The following TRPC5 variants were observed in gnomAD, a reference collection of about 807,000 sequenced individuals.
The protein encoded by TRPC5 is transient receptor potential cation channel subfamily C member 5, also known as short transient receptor potential channel 5.
TRPC5 carries 9 observed loss-of-function variants against 56.5 expected under a neutral mutation model. The observed-to-expected ratio is 0.16, with a 90% CI of 0.10 to 0.28. The LOEUF (loss-of-function observed/expected upper bound fraction) is 0.28, where lower values mean the gene tolerates loss of function less well. Among genes scored for constraint, TRPC5 ranks in the 10% least tolerant of loss-of-function variants. The pLI is 1.00. For synonymous variants in TRPC5, 282 were observed against 278.5 expected (o/e 1.01, Z -0.13); for missense variants, 469 against 748.9 (o/e 0.63, Z 4.36).
chrX:111,992,369 G>A (rs915300062), intron 1 of TRPC5, among the ~76,000 whole-genome samples: 2 of 111,426 alleles, frequency 1.8e-5, no homozygotes, highest in African/African-American at 6.5e-5. Context: ...CAAGAAAGCA[G>A]CTTTAAGCAT....
At chrX:112,049,432 T>TATAC (rs1930154741) in intron 1 of TRPC5, among the ~76,000 whole-genome samples, 1 of 104,220 alleles carries the variant, frequency 9.6e-6, no homozygotes, top group African/African-American at 3.5e-5. Context: ...CGCATATATA[T>TATAC]ACACACACAC....
chrX:112,026,581 C>T (rs1276640116), intron 1 of TRPC5, among the ~76,000 whole-genome samples: 1 of 111,751 alleles, frequency 8.9e-6, no homozygotes, highest in African/African-American at 3.2e-5. Flanking sequence ...GACTCTTTTT[C>T]AATAGTTTGA....
chrX:111,971,067 C>T (rs1018557832), intron 1 of TRPC5, among the ~76,000 whole-genome samples: 3 of 111,420 alleles, frequency 2.7e-5, no homozygotes, highest in African/African-American at 9.8e-5. Flanking sequence ...CGTGAGTCAC[C>T]GCGCCCGGCC....
At chrX:111,941,701 T>C (rs150073482) in intron 2 of TRPC5, among the ~76,000 whole-genome samples, 7,804 of 111,891 alleles carry the variant, frequency 0.07, 207 homozygotes, top group African/African-American at 0.083. Context: ...TATGATGGAA[T>C]GACAGTGGGG....
intron 1 of TRPC5, among the ~76,000 whole-genome samples, chrX:111,968,945 C>G (rs1465421571): frequency 9.7e-6 from 1 of 103,395 alleles, no homozygotes; most frequent in African/African-American, 3.5e-5. Context: ...CTGCACATTG[C>G]GCACATGTAC....
chrX:111,827,085 T>C (rs1452469963), intron 7 of TRPC5, among the ~76,000 whole-genome samples: 1 of 111,689 alleles, frequency 9.0e-6, no homozygotes, highest in Non-Finnish European at 1.9e-5. Context: ...ACAGTACCAC[T>C]TACTAGCATA....
At chrX:112,063,216 T>A (rs978430056) in intron 1 of TRPC5, among the ~76,000 whole-genome samples, 3 of 111,840 alleles carry the variant, frequency 2.7e-5, no homozygotes, top group African/African-American at 9.8e-5. Context: ...ACCTAGAGAT[T>A]CTAGACTGGT....
rs184748688 is a variant in TRPC5 at position 111,855,993 on chromosome X, T to C, written c.901-1887A>G. 2.7e-5 allele frequency among the ~76,000 whole-genome samples: 3 copies of C among 111,915 alleles called. No homozygotes were observed. The East Asian group carries it at 8.4e-4, about 31-fold the overall frequency. ...AAGGCTTCCTGGAGTAGGTGATACC[T>C]GACTGGAGCATTAAAAGATGTGCAA... On this transcript the variant is annotated intron_variant, in intron 3 of 10. Coordinates refer to ENST00000262839, the MANE Select transcript of TRPC5 (RefSeq NM_012471.3).
In TRPC5 at chrX:111,943,405, T is replaced by C. The variant is rs186315509; in HGVS notation, c.378+8638A>G. ...CCCCCTCCACACTGTGTAATCTCAGTCTGAGACAAAAAAACAGATAGGAGG... is the reference window on the plus strand; with the variant it reads ...CCCCCTCCACACTGTGTAATCTCAGCCTGAGACAAAAAAACAGATAGGAGG... On this transcript the variant is annotated intron_variant, in intron 2 of 10. Transcript: ENST00000262839. Among the ~76,000 whole-genome samples the C allele has an allele frequency of 2.1e-4, 24 of 112,060 alleles. No individual in the cohort carries two copies. The East Asian group carries it at 6.5e-3, about 30-fold the overall frequency.
intron 6 of TRPC5, among the ~76,000 whole-genome samples, chrX:111,840,550 A>G (rs1161861573): frequency 8.9e-6 from 1 of 112,245 alleles, no homozygotes; most frequent in Admixed American, 9.4e-5. Context: ...TGGATGCAAA[A>G]GACATAGATA....
At chrX:111,990,529 G>C (rs866633365) in intron 1 of TRPC5, among the ~76,000 whole-genome samples, 10 of 111,618 alleles carry the variant, frequency 9.0e-5, no homozygotes, top group South Asian at 7.6e-4. Flanking sequence ...ACTTCTCTGG[G>C]ATAAATAGAT....
chrX:112,079,112 G>A (rs951657009), intron 1 of TRPC5, among the ~76,000 whole-genome samples: 3 of 111,818 alleles, frequency 2.7e-5, no homozygotes, highest in Non-Finnish European at 3.8e-5. Context: ...AGAGTACTTT[G>A]GGGAGAGAGA....
Position 111,776,761 on chromosome X carries a change from C to A in TRPC5, c.2474G>T (p.Gly825Val). ...RTMPRSSGAQ[G>V]KSKAESSSKR... The stretch of plus-strand genomic sequence containing the variant: ...GCTTGATGACTCAGCTTTTGACTTT[C>A]CTTGGGCACCACTGGACCTTGGCAT... Residue 825 changes from glycine to valine, a missense_variant, in exon 11 of 11, where the codon GGA becomes GTA. By Grantham distance (109) the Gly-to-Val change is moderately radical. Transcript: ENST00000262839. 8.3e-7 allele frequency: 1 copy of A among 1,210,565 alleles called. No homozygotes were observed. The highest frequency in any genetic ancestry group is 1.1e-6 in the Non-Finnish European group (1 of 895,048).
chrX:111,831,240 A>G (rs1922398272), intron 7 of TRPC5, among the ~76,000 whole-genome samples: 3 of 112,330 alleles, frequency 2.7e-5, no homozygotes, highest in African/African-American at 9.7e-5. Flanking sequence ...CTGGTATGGA[A>G]GTGTTTCAAT....
intron 1 of TRPC5, among the ~76,000 whole-genome samples, chrX:112,047,471 C>T (rs1335267725): frequency 2.7e-5 from 3 of 111,318 alleles, no homozygotes; most frequent in African/African-American, 9.8e-5. Context: ...AGAGGGAGCA[C>T]ACTTCAACAG....
intron 1 of TRPC5, among the ~76,000 whole-genome samples, chrX:111,975,326 G>T (rs375757921): frequency 5.5e-5 from 5 of 90,426 alleles, no homozygotes; most frequent in Non-Finnish European, 9.1e-5. Context: ...TCACTAAATA[G>T]AAAAAAAAAA....
intron 7 of TRPC5, among the ~76,000 whole-genome samples, chrX:111,789,158 C>A (rs930747733): frequency 2.8e-4 from 31 of 111,939 alleles, no homozygotes; most frequent in Admixed American, 4.8e-4. Flanking sequence ...TACCTGACTT[C>A]AAACTATACT....
intron 7 of TRPC5, among the ~76,000 whole-genome samples, chrX:111,824,040 G>GC (rs369624075): frequency 0.015 from 1,622 of 110,413 alleles, 29 homozygotes; most frequent in African/African-American, 0.051. Flanking sequence ...AGATCAGCCT[G>GC]CACAACATGA....
Position 112,070,000 on chromosome X carries a change from T to C in TRPC5, c.-22+11879A>G, listed in dbSNP as rs750077683. The stretch of plus-strand genomic sequence containing the variant: ...TATGTTCCTCCTCAGAGCTTTCCAA[T>C]GTACCGTCTGTCTCTGTTACGTTGC... On this transcript the variant is annotated intron_variant, in intron 1 of 10. Transcript: ENST00000262839. Among the ~76,000 whole-genome samples the C allele has an allele frequency of 3.3e-3, 370 of 111,900 alleles. 1 individual carries two copies. The highest frequency in any genetic ancestry group is 5.2e-3 in the Non-Finnish European group (279 of 53,187).
Sources: gnomAD v4.1 joint callset for allele counts (sites outside exome capture counted in the v4.1 genomes callset) on GRCh38, gnomAD v4.1.1 for gene constraint, MANE v1.5 for transcripts, NCBI Gene and HGNC (gene_info 2026-07-23, HGNC 2026-07-21) for gene names.